The following TBC1D1 variants were observed in gnomAD, a reference collection of about 807,000 sequenced individuals.
The protein encoded by TBC1D1 is TBC1 (tre-2/USP6, BUB2, cdc16) domain family, member 1.
Under a neutral mutation model 125.6 loss-of-function variants are expected in TBC1D1, and 89 were observed. That is an observed-to-expected ratio of 0.71 (90% CI 0.60 to 0.85). The LOEUF (loss-of-function observed/expected upper bound fraction) is 0.85, where lower values mean the gene tolerates loss of function less well. Among genes scored for constraint, TBC1D1 ranks in the 40% least tolerant of loss-of-function variants. The pLI is 0.00. For missense variants in TBC1D1, 1,377 were observed against 1,469.2 expected, an observed-to-expected ratio of 0.94 and a Z score of 1.03; for synonymous variants, 565 against 564.1, an observed-to-expected ratio of 1.00 and a Z score of -0.02.
intron 2 of TBC1D1, among the ~76,000 whole-genome samples, chr4:37,954,345 A>G (rs1383116929): frequency 6.6e-6 from 1 of 151,796 alleles, no homozygotes; most frequent in Non-Finnish European, 1.5e-5. Context: ...TCACTTGGGA[A>G]GATAAAAGGA....
chr4:37,916,396 G>A (rs1018516857), intron 2 of TBC1D1, among the ~76,000 whole-genome samples: 8 of 151,742 alleles, frequency 5.3e-5, no homozygotes, highest in African/African-American at 1.7e-4. Flanking sequence ...TCTTTTTATG[G>A]TGATAGAGGT....
chr4:38,014,449 C>T lies in TBC1D1; in HGVS notation c.418-60C>T, dbSNP rs984513617. Reference sequence around the variant, plus strand: ...GCGTCCCGAAAGAGCATGGTGCATTCATTCCGTGAGTGCCAGCCACACTGC... The same window carrying T: ...GCGTCCCGAAAGAGCATGGTGCATTTATTCCGTGAGTGCCAGCCACACTGC... On this transcript the variant is annotated intron_variant, in intron 2 of 19. Transcript: ENST00000261439. The surrounding 1 kb of genome is among the most constrained non-coding windows in gnomAD (Gnocchi z 5.1). 21 of 1,530,350 alleles carry T rather than the reference C, an allele frequency of 1.4e-5. No homozygotes were observed. The highest frequency in any genetic ancestry group is 1.7e-4 in the Middle Eastern group (1 of 5,878). The allele number at this position is 1,530,350 out of a possible 1,614,324, so 94.8% of individuals were successfully genotyped here.
At chr4:38,072,271 G>C (rs1754832904) in intron 12 of TBC1D1, among the ~76,000 whole-genome samples, 1 of 152,236 alleles carries the variant, frequency 6.6e-6, no homozygotes, top group Admixed American at 6.5e-5. Context: ...TTTTGAATTG[G>C]TGTGACCTTT....
intron 12 of TBC1D1, among the ~76,000 whole-genome samples, chr4:38,089,380 G>T (rs1422497194): frequency 5.3e-5 from 8 of 152,166 alleles, no homozygotes; most frequent in African/African-American, 2.4e-5. Context: ...AGAATACCTG[G>T]CCAGATAGCA....
chr4:37,974,194 C>G (rs1424609094), intron 2 of TBC1D1, among the ~76,000 whole-genome samples: 1 of 152,146 alleles, frequency 6.6e-6, no homozygotes, highest in African/African-American at 2.4e-5. Flanking sequence ...CCCTAGGATG[C>G]GTCTAAGGCC....
chr4:37,995,803 C>T lies in TBC1D1; in HGVS notation c.418-18706C>T. 3.7e-6 allele frequency: 2 copies of T among 545,022 alleles called. No individual in the cohort carries two copies. Among genetic ancestry groups the T allele is most frequent in the Non-Finnish European group, 7.4e-6 (2 of 271,750 alleles). The allele number at this position is 545,022 out of a possible 1,614,324, so 33.8% of individuals were successfully genotyped here. On this transcript the variant is annotated intron_variant, in intron 2 of 19. Transcript: ENST00000261439. The surrounding 1 kb of genome is among the most constrained non-coding windows in gnomAD (Gnocchi z 4.3). ...CTTCTCCTGGATTGCTACCCCAAATCATTTGCATCCTCAGTCTTGGGGATC... is the reference window on the plus strand; with the variant it reads ...CTTCTCCTGGATTGCTACCCCAAATTATTTGCATCCTCAGTCTTGGGGATC...
At chr4:38,134,990 A>G (rs971203650) in intron 19 of TBC1D1, among the ~76,000 whole-genome samples, 1 of 152,220 alleles carries the variant, frequency 6.6e-6, no homozygotes, top group African/African-American at 2.4e-5. Flanking sequence ...CAGCTCTCAA[A>G]GAGTTGGATC....
chr4:37,992,563 T>C (rs576258709), intron 2 of TBC1D1, among the ~76,000 whole-genome samples: 140 of 148,080 alleles, frequency 9.5e-4, no homozygotes, highest in Middle Eastern at 3.6e-3. Context: ...GGCGCGATCT[T>C]GGCTCACTGC....
intron 10 of TBC1D1, among the ~76,000 whole-genome samples, chr4:38,046,476 CTTTT>C (rs1481364838): frequency 6.6e-6 from 1 of 151,360 alleles, no homozygotes. Flanking sequence ...TTAAATTTTT[CTTTT>C]TTTAAGAAAA....
Position 38,133,257 on chromosome 4 carries a change from G to T in TBC1D1, c.3306G>T (p.Gln1102His). Residue 1102 changes from glutamine (Q) to histidine (H), a missense_variant and splice_region_variant, in exon 19 of 20, where the codon CAG (glutamine) becomes CAT (histidine). Gln to His is a conservative substitution (Grantham distance 24). Around this residue, in one of 3 missense-constraint regions of TBC1D1, gnomAD observed 543 missense variants for 613.5 expected, o/e 0.89. Coordinates refer to ENST00000261439, the MANE Select transcript of TBC1D1 (RefSeq NM_015173.4). ...ACCTTGACCTCCTTGAACAGTTGCA[G>T]GTAGAGCATATTTATAAAGCAGCTT... 6.2e-7 allele frequency: 1 copy of T among 1,609,612 alleles called. No individual in the cohort carries two copies. Among genetic ancestry groups the T allele is most frequent in the South Asian group, 1.1e-5 (1 of 90,222 alleles).
Position 38,115,902 on chromosome 4 carries a change from T to G in TBC1D1, c.2750T>G (p.Met917Arg). ...GCGTTTAAAATGCTCAAGTTTCTGA[T>G]GTTTGACATGGGGCTGCGGAAACAG... Residue 917 changes from methionine to arginine, a missense_variant, in exon 16 of 20, where the codon ATG becomes AGG. Transcript: ENST00000261439. 6.2e-7 allele frequency: 1 copy of G among 1,614,240 alleles called. No individual in the cohort carries two copies.
At chr4:38,123,896 G>A (rs911416594) in intron 17 of TBC1D1, among the ~76,000 whole-genome samples, 2 of 152,202 alleles carry the variant, frequency 1.3e-5, no homozygotes, top group Non-Finnish European at 2.9e-5. Context: ...GCAGCACCCA[G>A]TCTTTGCTTT....
chr4:37,986,675 ACCTCAAGTGATCTGCCTG>A (rs1161236709), intron 2 of TBC1D1, among the ~76,000 whole-genome samples: 7 of 152,016 alleles, frequency 4.6e-5, no homozygotes, highest in African/African-American at 1.4e-4. Context: ...TGAACTCCTG[ACCTCAAGTGATCTGCCTG>A]CCTCAAGTGA....
rs565700208 is a variant in TBC1D1 at position 38,054,083 on chromosome 4, A to C, written c.1911-116A>C. The C allele has an allele frequency of 3.5e-6, 4 of 1,131,260 alleles. No individual in the cohort carries two copies. In the African/African-American group the frequency reaches 4.6e-5, roughly 13 times the overall value. 70.1% of individuals were successfully genotyped at this position (1,131,260 alleles called of 1,614,324 possible). A position where few individuals can be genotyped will look rare whatever the true frequency, so the allele number is the denominator to read the frequency against. On this transcript the variant is annotated intron_variant, in intron 11 of 19. Coordinates refer to ENST00000261439, the MANE Select transcript of TBC1D1 (RefSeq NM_015173.4). ...CTTGATATAACTTCTGTGATTGATT[A>C]TTTGTTTATACAAAGATAGTTGATA...
rs916021502 is a variant in TBC1D1, at chr4:38,116,098, T to A, written c.2802+144T>A. On this transcript the variant is annotated intron_variant, in intron 16 of 19. Transcript: ENST00000261439. Reference sequence around the variant, plus strand: ...CTGATAAAGGACTCTGTGCTAGGCATTATTCCAAGCGCTTCATCTGCACTT... The same window carrying A: ...CTGATAAAGGACTCTGTGCTAGGCAATATTCCAAGCGCTTCATCTGCACTT... 2.6e-5 allele frequency: 22 copies of A among 853,734 alleles called. No homozygotes were observed. The African/African-American group carries it at 3.9e-4, about 15-fold the overall frequency. The allele number at this position is 853,734 out of a possible 1,614,324, so 52.9% of individuals were successfully genotyped here. A position where few individuals can be genotyped will look rare whatever the true frequency, so the allele number is the denominator to read the frequency against.
chr4:38,093,101 T>G (rs73241091), intron 13 of TBC1D1, among the ~76,000 whole-genome samples: 1 of 152,084 alleles, frequency 6.6e-6, no homozygotes. Flanking sequence ...GAGGACCTGC[T>G]GTACTATGTA....
intron 2 of TBC1D1, among the ~76,000 whole-genome samples, chr4:37,954,294 A>G (rs1728475256): frequency 6.6e-6 from 1 of 151,886 alleles, no homozygotes; most frequent in South Asian, 2.1e-4. Flanking sequence ...TTTCTCTTTT[A>G]ACCTTTCCTA....
chr4:37,975,416 G>A (rs937894318), intron 2 of TBC1D1, among the ~76,000 whole-genome samples: 2 of 152,226 alleles, frequency 1.3e-5, no homozygotes, highest in African/African-American at 4.8e-5. Context: ...CAGGGAGATG[G>A]TTAGGCCTCT....
At chr4:37,954,133 T>C (rs1728437769) in intron 2 of TBC1D1, among the ~76,000 whole-genome samples, 1 of 152,200 alleles carries the variant, frequency 6.6e-6, no homozygotes, top group Non-Finnish European at 1.5e-5. Flanking sequence ...TTGCAATCCC[T>C]AGCATGTTGA....
Sources: allele counts gnomAD v4.1 joint callset (sites outside exome capture counted in the v4.1 genomes callset), GRCh38; gene constraint gnomAD v4.1.1; regional missense constraint gnomAD v4.1.1; non-coding constraint Gnocchi (gnomAD v3.1); transcripts MANE v1.5; gene names NCBI Gene and HGNC (gene_info 2026-07-23, HGNC 2026-07-21).